The following SWT1 variants were observed in gnomAD, a reference collection of about 807,000 sequenced individuals.
SWT1 encodes the protein SWT1 RNA endoribonuclease homolog.
Under a neutral mutation model 107.3 loss-of-function variants are expected in SWT1, and 33 were observed. The ratio of observed to expected loss-of-function variants is 0.31; its 90% CI spans 0.23 to 0.41. The LOEUF (loss-of-function observed/expected upper bound fraction) is 0.41. SWT1 is among the 10% of genes least tolerant of loss of function. The pLI is 1.00. For synonymous variants in SWT1, 345 were observed against 348.3 expected, an observed-to-expected ratio of 0.99 and a Z score of 0.11; for missense variants, 898 against 1,028.9, an observed-to-expected ratio of 0.87 and a Z score of 1.74.
intron 16 of SWT1, among the ~76,000 whole-genome samples, chr1:185,249,637 A>T (rs1022330391): frequency 1.3e-5 from 2 of 152,094 alleles, no homozygotes; most frequent in Non-Finnish European, 2.9e-5. Flanking sequence ...AGACAAACTG[A>T]TCCCCCACCA....
intron 18 of SWT1, among the ~76,000 whole-genome samples, chr1:185,284,772 CA>C (rs1012847916): frequency 2.0e-5 from 3 of 152,102 alleles, no homozygotes; most frequent in African/African-American, 7.2e-5. Context: ...GCCCACATAG[CA>C]AGTGTCTTCA....
intron 15 of SWT1, among the ~76,000 whole-genome samples, chr1:185,228,046 A>C (rs1443030008): frequency 6.6e-6 from 1 of 150,500 alleles, no homozygotes; most frequent in Non-Finnish European, 1.5e-5. Flanking sequence ...AGCTGTAATT[A>C]TGCCATTGCA....
At chr1:185,276,500 A>T (rs1664249415) in intron 17 of SWT1, 104 bp from the exon 18 acceptor site, 1 of 547,656 alleles carries the variant, frequency 1.8e-6, no homozygotes, top group Admixed American at 3.1e-5. Context: ...TTATGCAATA[A>T]CTAGAAATTT....
intron 16 of SWT1, among the ~76,000 whole-genome samples, chr1:185,257,028 G>C (rs912131313): frequency 6.6e-6 from 1 of 152,074 alleles, no homozygotes; most frequent in Non-Finnish European, 1.5e-5. Context: ...AGGTGTGTTG[G>C]AATACCCTGC....
At chr1:185,190,782 C>T (rs1361577465) in intron 10 of SWT1, 140 bp downstream of exon 10, 3 of 548,012 alleles carry the variant, frequency 5.5e-6, no homozygotes, top group African/African-American at 3.8e-5. Context: ...CCACTTGTAT[C>T]TGACAGTCTT....
chr1:185,197,626 A>G (rs1473451379), intron 10 of SWT1, among the ~76,000 whole-genome samples: 1 of 152,146 alleles, frequency 6.6e-6, no homozygotes, highest in Non-Finnish European at 1.5e-5. Context: ...TGCTGCCTCA[A>G]TTTCAGAACT....
chr1:185,159,031 C>A (rs12028366), intron 1 of SWT1, among the ~76,000 whole-genome samples: 1 of 152,166 alleles, frequency 6.6e-6, no homozygotes. Flanking sequence ...TCTTCCCTTG[C>A]GAGCCTTTCC....
intron 15 of SWT1, chr1:185,227,319 C>A: frequency 1.4e-6 from 1 of 737,120 alleles, no homozygotes; most frequent in Non-Finnish European, 2.5e-6. Flanking sequence ...GTATTCATTG[C>A]CAGTCTCTTC....
intron 14 of SWT1, among the ~76,000 whole-genome samples, chr1:185,215,813 T>C (rs1365474072): frequency 6.6e-6 from 1 of 152,156 alleles, no homozygotes; most frequent in African/African-American, 2.4e-5. Context: ...GTGTTGGGAA[T>C]ACAGGTGTGA....
intron 13 of SWT1, among the ~76,000 whole-genome samples, chr1:185,211,943 A>C (rs935744415): frequency 8.5e-5 from 13 of 152,168 alleles, no homozygotes; most frequent in Non-Finnish European, 1.8e-4. Flanking sequence ...ATTCTCAGCA[A>C]ACTATCGCAA....
At chr1:185,256,446 A>G (rs1165549679) in intron 16 of SWT1, among the ~76,000 whole-genome samples, 2 of 151,496 alleles carry the variant, frequency 1.3e-5, no homozygotes, top group Non-Finnish European at 2.9e-5. Context: ...GTCTTTTCAC[A>G]TAGTCCCATA....
intron 15 of SWT1, chr1:185,227,461 A>G (rs1341168910): frequency 2.0e-5 from 12 of 603,992 alleles, no homozygotes; most frequent in Non-Finnish European, 3.7e-5. Flanking sequence ...CAGTTTGTGT[A>G]CATATGCTGT....
Position 185,184,817 on chromosome 1 carries a change from C to T in SWT1, c.1315C>T (p.Leu439=), listed in dbSNP as rs1380933756. 4 of 1,604,746 alleles carry T rather than the reference C, an allele frequency of 2.5e-6. No individual in the cohort carries two copies. The highest frequency in any genetic ancestry group is 3.4e-6 in the Non-Finnish European group (4 of 1,176,536). The change falls in exon 9 of 19, where the codon CTA becomes TTA. Residue 439 remains leucine (L), a synonymous_variant. Coordinates refer to ENST00000367500, the MANE Select transcript of SWT1 (RefSeq NM_017673.7). ...AGATCGTATGAAGGAAGGAAAACTA[C>T]TAAAACGTGCCCAGCACAAAGCTAT... is the stretch of plus-strand genomic sequence containing the variant. The part of the protein sequence containing the change: ...ELDRMKEGKL[L]KRAQHKAIPA...
At chr1:185,241,813 A>C (rs1661271907) in intron 16 of SWT1, among the ~76,000 whole-genome samples, 1 of 152,134 alleles carries the variant, frequency 6.6e-6, no homozygotes, top group Non-Finnish European at 1.5e-5. Flanking sequence ...GTTTTAAAAG[A>C]GGTATAGAAG....
chr1:185,174,711 A>C lies in SWT1; in HGVS notation c.564A>C (p.Lys188Asn). 6.2e-7 allele frequency: 1 copy of C among 1,612,864 alleles called. No individual in the cohort carries two copies. Among genetic ancestry groups the C allele is most frequent in the Non-Finnish European group, 8.5e-7 (1 of 1,179,752 alleles). Residue 188 changes from lysine to asparagine, a missense_variant, in exon 5 of 19, where the codon AAA becomes AAC. By Grantham distance (94) the Lys-to-Asn change is moderately conservative. This residue lies in a region of SWT1 where 382 missense variants were observed against 362.4 expected (regional missense o/e 1.05). Transcript: ENST00000367500. ...GAGAGAAGATGAAAGAACTCAAGAA[A>C]GGAAGAAACAGTAAATTTAGAGACA... ...VQREKMKELK[K>N]GRNSKFRDNS...
At chr1:185,189,009 C>G (rs1656722676) in intron 9 of SWT1, among the ~76,000 whole-genome samples, 1 of 152,082 alleles carries the variant, frequency 6.6e-6, no homozygotes, top group East Asian at 1.9e-4. Context: ...GACAAGGTCT[C>G]ACCCTGTCAC....
intron 16 of SWT1, among the ~76,000 whole-genome samples, chr1:185,237,306 G>T (rs1346145017): frequency 6.6e-6 from 1 of 152,104 alleles, no homozygotes; most frequent in African/African-American, 2.4e-5. Flanking sequence ...CAACCCAAAT[G>T]CCTATCAATG....
In SWT1 at chr1:185,172,603, G is replaced by C. The variant is rs115916800; in HGVS notation, c.225-1769G>C. Among the ~76,000 whole-genome samples the C allele has an allele frequency of 1.4e-3, 214 of 152,156 alleles. 1 individual carries two copies. The highest frequency in any genetic ancestry group is 4.9e-3 in the African/African-American group (205 of 41,530). On this transcript the variant is annotated intron_variant, in intron 4 of 18. Coordinates refer to ENST00000367500, the MANE Select transcript of SWT1 (RefSeq NM_017673.7). ...ATGAGAATTTCAGATGTAAAAAAATGACCATTTTTAGAGTTTTTAATTTAT... is the reference window on the plus strand; with the variant it reads ...ATGAGAATTTCAGATGTAAAAAAATCACCATTTTTAGAGTTTTTAATTTAT...
At chr1:185,239,682 AT>A (rs1255677084) in intron 16 of SWT1, among the ~76,000 whole-genome samples, 1 of 152,034 alleles carries the variant, frequency 6.6e-6, no homozygotes, top group Non-Finnish European at 1.5e-5. Flanking sequence ...TAACCACTAG[AT>A]AGCCAAGGAC....
Sources: allele counts gnomAD v4.1 joint callset (sites outside exome capture counted in the v4.1 genomes callset), GRCh38; gene constraint gnomAD v4.1.1; regional missense constraint gnomAD v4.1.1; transcripts MANE v1.5; gene names NCBI Gene and HGNC (gene_info 2026-07-23, HGNC 2026-07-21).